ADGB: variants seen among roughly 807,000 people sequenced by gnomAD.
The protein encoded by ADGB is androglobin, also known as calpain-7-like protein.
A neutral mutation model predicts 210.5 loss-of-function variants in ADGB; 172 were observed. The observed-to-expected ratio is 0.82, with a 90% CI of 0.72 to 0.93. The LOEUF (loss-of-function observed/expected upper bound fraction) is 0.93. ADGB is among the 40% of genes least tolerant of loss of function. The pLI is 0.00. For missense variants in ADGB, 2,025 were observed against 1,964.8 expected, an observed-to-expected ratio of 1.03 and a Z score of -0.58; for synonymous variants, 658 against 662.7, an observed-to-expected ratio of 0.99 and a Z score of 0.11.
At chr6:146,814,610 C>G (rs1319848906) in intron 35 of ADGB, among the ~76,000 whole-genome samples, 1 of 152,186 alleles carries the variant, frequency 6.6e-6, no homozygotes, top group African/African-American at 2.4e-5. Context: ...TTTGGCCATA[C>G]TATTTGGAGC....
At chr6:146,759,568 G>C (rs953363495) in intron 27 of ADGB, among the ~76,000 whole-genome samples, 52 of 151,692 alleles carry the variant, frequency 3.4e-4, no homozygotes, top group African/African-American at 1.2e-3. Context: ...AGAGTGATCT[G>C]TGATATGCGC....
At chr6:146,656,501 C>G (rs1257539765) in intron 4 of ADGB, among the ~76,000 whole-genome samples, 2 of 152,092 alleles carry the variant, frequency 1.3e-5, no homozygotes, top group Non-Finnish European at 2.9e-5. Flanking sequence ...GAAGTCGTGC[C>G]AAATCACCCA....
chr6:146,770,398 C>T, intron 29 of ADGB: 1 of 214,806 alleles, frequency 4.7e-6, no homozygotes. Flanking sequence ...TTCCCATTTC[C>T]ACTCAAATGT....
At chr6:146,641,502 C>T (rs1245268267) in intron 2 of ADGB, among the ~76,000 whole-genome samples, 1 of 150,444 alleles carries the variant, frequency 6.6e-6, no homozygotes, top group Non-Finnish European at 1.5e-5. Context: ...TCAAACTGTA[C>T]TATTGTACAA....
Position 146,691,216 on chromosome 6 carries a change from CA to C in ADGB, c.1416del (p.Lys472AsnfsTer19), listed in dbSNP as rs1411139454. Reference sequence around the variant, plus strand: ...AGGTCTTGTCCTCTGGTAGCACCACCAAAACCACCTCCTCTACCTCCCTGGA... The same window carrying C: ...AGGTCTTGTCCTCTGGTAGCACCACCAAACCACCTCCTCTACCTCCCTGGA... ...RSRSCPLVAP[P>X]KPPPLPPWKL... On this transcript the variant is annotated frameshift_variant, in exon 11 of 36. Coordinates refer to ENST00000397944, the MANE Select transcript of ADGB (RefSeq NM_024694.4). LOFTEE classifies it high-confidence loss of function. 6.5e-7 allele frequency: 1 copy of C among 1,549,024 alleles called. No individual in the cohort carries two copies. The highest frequency in any genetic ancestry group is 8.7e-7 in the Non-Finnish European group (1 of 1,146,336).
intron 1 of ADGB, among the ~76,000 whole-genome samples, chr6:146,623,780 G>A (rs1252086718): frequency 6.6e-6 from 1 of 151,762 alleles, no homozygotes; most frequent in Non-Finnish European, 1.5e-5. Context: ...TGTTTTTTGA[G>A]ATCAGGATTG....
chr6:146,785,476 T>G, intron 31 of ADGB, 134 bp from the exon 32 acceptor site: 1 of 532,514 alleles, frequency 1.9e-6, no homozygotes, highest in Non-Finnish European at 3.3e-6. Flanking sequence ...AGAGCTGGTC[T>G]GCTTCATTTA....
intron 10 of ADGB, among the ~76,000 whole-genome samples, chr6:146,688,082 T>C (rs1469820633): frequency 6.6e-6 from 1 of 152,112 alleles, no homozygotes. Context: ...CGCTAAACAA[T>C]ATGCTATCTT....
rs142181699 is a variant in ADGB, at chr6:146,679,508, C to T, written c.1216+3067C>T. ...AATAGCAGGGGACACACTGTAGTCACTCATCATTCGCAATTCTAAAATTTG... is the reference window on the plus strand; with the variant it reads ...AATAGCAGGGGACACACTGTAGTCATTCATCATTCGCAATTCTAAAATTTG... On this transcript the variant is annotated intron_variant, in intron 9 of 35. Coordinates refer to ENST00000397944, the MANE Select transcript of ADGB (RefSeq NM_024694.4). Among the ~76,000 whole-genome samples, 240 of 152,320 alleles carry T rather than the reference C, an allele frequency of 1.6e-3. 1 individual carries two copies. Among genetic ancestry groups the T allele is most frequent in the East Asian group, 0.015 (76 of 5,182 alleles).
chr6:146,688,448 T>C (rs73589839), intron 10 of ADGB, among the ~76,000 whole-genome samples: 4,678 of 152,096 alleles, frequency 0.031, 174 homozygotes, highest in African/African-American at 0.096. Flanking sequence ...AAATCTTACG[T>C]TGGAAAGTTT....
intron 35 of ADGB, among the ~76,000 whole-genome samples, chr6:146,809,125 C>T (rs941632290): frequency 6.6e-6 from 1 of 151,922 alleles, no homozygotes; most frequent in African/African-American, 2.4e-5. Context: ...GAATAGGAGC[C>T]TAGGAGGGCT....
At chr6:146,627,709 G>A (rs1235684292) in intron 1 of ADGB, among the ~76,000 whole-genome samples, 1 of 151,954 alleles carries the variant, frequency 6.6e-6, no homozygotes, top group Non-Finnish European at 1.5e-5. Context: ...CTAAATATTC[G>A]TAGGTGACTC....
intron 33 of ADGB, among the ~76,000 whole-genome samples, chr6:146,790,020 T>C (rs925909779): frequency 6.6e-6 from 1 of 152,216 alleles, no homozygotes; most frequent in Non-Finnish European, 1.5e-5. Context: ...TATTTACTTA[T>C]GTGCTAACAA....
intron 25 of ADGB, among the ~76,000 whole-genome samples, chr6:146,742,844 A>G (rs1056982828): frequency 2.0e-5 from 3 of 152,052 alleles, no homozygotes; most frequent in African/African-American, 7.2e-5. Context: ...CCCAACACAA[A>G]TTCGTAAACT....
chr6:146,728,162 T>C (rs879200333), intron 19 of ADGB, among the ~76,000 whole-genome samples: 1 of 152,164 alleles, frequency 6.6e-6, no homozygotes, highest in Non-Finnish European at 1.5e-5. Context: ...TTTTAAGAGT[T>C]GATAGCAGGA....
intron 29 of ADGB, among the ~76,000 whole-genome samples, chr6:146,770,213 G>A (rs1413016078): frequency 1.3e-5 from 2 of 152,114 alleles, no homozygotes; most frequent in Non-Finnish European, 2.9e-5. Context: ...CTGTTCAGGC[G>A]TTTGCTTGCT....
intron 27 of ADGB, 52 bp from the exon 28 acceptor site, chr6:146,763,849 T>C (rs7752601): frequency 0.51 from 730,300 of 1,438,796 alleles, 189,041 homozygotes; most frequent in African/African-American, 0.66. Context: ...TAGTCAGTAA[T>C]AACTATGTAT....
At chr6:146,706,128 G>A (rs1005337871) in intron 13 of ADGB, among the ~76,000 whole-genome samples, 8 of 151,626 alleles carry the variant, frequency 5.3e-5, no homozygotes, top group Admixed American at 4.6e-4. Context: ...GTCTTGCTAT[G>A]TTGCCTAGGC....
At chr6:146,737,244 CACAG>C (rs1358180127) in intron 23 of ADGB, among the ~76,000 whole-genome samples, 1 of 151,554 alleles carries the variant, frequency 6.6e-6, no homozygotes, top group Non-Finnish European at 1.5e-5. Flanking sequence ...TTTAATAAAA[CACAG>C]ACAAATGGAA....
Sources: allele counts gnomAD v4.1 joint callset (sites outside exome capture counted in the v4.1 genomes callset), GRCh38; gene constraint gnomAD v4.1.1; transcripts MANE v1.5; gene names NCBI Gene and HGNC (gene_info 2026-07-23, HGNC 2026-07-21).